Variants in SPOPL observed in about 807,000 individuals in gnomAD.
SPOPL encodes the protein speckle type BTB/POZ protein like, also known as speckle-type POZ protein-like.
SPOPL carries 23 observed loss-of-function variants against 53.8 expected under a neutral mutation model. That is an observed-to-expected ratio of 0.43 (90% CI 0.31 to 0.61). SPOPL has a LOEUF of 0.61. Among genes scored for constraint, SPOPL ranks in the 20% least tolerant of loss-of-function variants. SPOPL has a pLI of 0.12. For synonymous variants in SPOPL, 164 were observed against 149.7 expected, an observed-to-expected ratio of 1.10 and a Z score of -0.70; for missense variants, 442 against 466.9, an observed-to-expected ratio of 0.95 and a Z score of 0.49.
At chr2:138,545,922 G>C (rs933396255) in intron 1 of SPOPL, among the ~76,000 whole-genome samples, 1 of 152,108 alleles carries the variant, frequency 6.6e-6, no homozygotes, top group African/African-American at 2.4e-5. Context: ...GTGATTCATA[G>C]ATATTTTTAA....
chr2:138,546,280 TA>T (rs918050449), intron 1 of SPOPL, among the ~76,000 whole-genome samples: 6 of 152,304 alleles, frequency 3.9e-5, no homozygotes, highest in African/African-American at 9.6e-5. Flanking sequence ...TATGATGGAA[TA>T]GGGGAGAATC....
Position 138,559,037 on chromosome 2 carries a change from G to A in SPOPL, c.496G>A (p.Asp166Asn). ...TTTTTATTAGGTGAGTGTGGTCCAAGATTCAGTAAACATATCAGGACATAC... is the reference window on the plus strand; with the variant it reads ...TTTTTATTAGGTGAGTGTGGTCCAAAATTCAGTAAACATATCAGGACATAC... ...TLFCEVSVVQ[D>N]SVNISGHTNT... Residue 166 changes from aspartate (D) to asparagine (N), a missense_variant, in exon 6 of 11, where the codon GAT (aspartate) becomes AAT (asparagine). Physicochemically the swap from Asp to Asn is conservative, Grantham distance 23. Coordinates refer to ENST00000280098, the MANE Select transcript of SPOPL (RefSeq NM_001001664.3). The A allele has an allele frequency of 6.2e-7, 1 of 1,600,150 alleles. No homozygotes were observed. Among genetic ancestry groups the A allele is most frequent in the Middle Eastern group, 2.0e-4 (1 of 4,900 alleles).
chr2:138,546,657 G>A (rs1277511748), intron 1 of SPOPL, among the ~76,000 whole-genome samples: 1 of 152,152 alleles, frequency 6.6e-6, no homozygotes, highest in Admixed American at 6.5e-5. Context: ...AATATGGAAG[G>A]GCAGCATGAT....
chr2:138,525,468 T>C (rs1175197295), intron 1 of SPOPL, among the ~76,000 whole-genome samples: 1 of 152,056 alleles, frequency 6.6e-6, no homozygotes, highest in African/African-American at 2.4e-5. Context: ...TTCCAGATAA[T>C]TGACATACTG....
intron 1 of SPOPL, among the ~76,000 whole-genome samples, chr2:138,538,487 G>C (rs1215440848): frequency 6.6e-6 from 1 of 152,098 alleles, no homozygotes; most frequent in Non-Finnish European, 1.5e-5. Flanking sequence ...TTGACTTAAA[G>C]TCTGTTTTGT....
intron 10 of SPOPL, among the ~76,000 whole-genome samples, chr2:138,565,813 G>A (rs1019295476): frequency 4.7e-5 from 7 of 149,360 alleles, no homozygotes; most frequent in Non-Finnish European, 8.9e-5. Context: ...GGCTCACTGC[G>A]AGCTCCACCT....
intron 5 of SPOPL, among the ~76,000 whole-genome samples, chr2:138,557,867 A>C (rs1052520611): frequency 1.3e-5 from 2 of 152,182 alleles, no homozygotes; most frequent in Admixed American, 6.5e-5. Context: ...TTTTTAAAAA[A>C]GTGGTCTGCA....
rs995584373 is a variant in SPOPL, at chr2:138,571,514, A to T, written c.*2434A>T. 4 of 152,536 alleles carry T rather than the reference A, an allele frequency of 2.6e-5. No homozygotes were observed. The highest frequency in any genetic ancestry group is 9.7e-5 in the African/African-American group (4 of 41,434). 9.4% of individuals were successfully genotyped at this position (152,536 alleles called of 1,614,324 possible). On this transcript the variant is annotated 3_prime_UTR_variant, in exon 11 of 11. Coordinates refer to ENST00000280098, the MANE Select transcript of SPOPL (RefSeq NM_001001664.3). ...TAATATAATGCCTACCATTATACTA[A>T]CAGAATCATATGGTAGTTGATTTAT...
Position 138,550,814 on chromosome 2 carries a change from T to TCC in SPOPL, c.201-88_201-87insCC, listed in dbSNP as rs563217519. ...TGACATTAACACATGATTTCAGTGT[T>TCC]CTCTCTCTCTCTTTCTCTCTCTCTC... On this transcript the variant is annotated intron_variant, in intron 3 of 10. Coordinates refer to ENST00000280098, the MANE Select transcript of SPOPL (RefSeq NM_001001664.3). 4,672 of 1,414,018 alleles carry TCC rather than the reference T, an allele frequency of 3.3e-3. 15 individuals carry two copies. Among genetic ancestry groups the TCC allele is most frequent in the Non-Finnish European group, 3.8e-3 (4,005 of 1,060,216 alleles). The allele number at this position is 1,414,018 out of a possible 1,614,324, so 87.6% of individuals were successfully genotyped here.
chr2:138,563,770 G>GT lies in SPOPL; in HGVS notation c.838-933dup, dbSNP rs771138524. 6.6e-4 allele frequency among the ~76,000 whole-genome samples: 101 copies of GT among 152,302 alleles called. 1 individual carries two copies. The highest frequency in any genetic ancestry group is 2.9e-4 in the Non-Finnish European group (20 of 68,028). Reference sequence around the variant, plus strand: ...TGTGATCCAGTGAGTCCAATTTTAGGTTTTTACCTAAGTGGAAAGAAAGCA... The same window carrying GT: ...TGTGATCCAGTGAGTCCAATTTTAGGTTTTTTACCTAAGTGGAAAGAAAGCA... On this transcript the variant is annotated intron_variant, in intron 8 of 10. Transcript: ENST00000280098.
At chr2:138,517,224 G>A (rs550524481) in intron 1 of SPOPL, among the ~76,000 whole-genome samples, 41 of 152,258 alleles carry the variant, frequency 2.7e-4, no homozygotes, top group African/African-American at 9.6e-4. Flanking sequence ...TATAGAGGGT[G>A]GTTGGGATGT....
At chr2:138,530,644 T>G (rs1468787867) in intron 1 of SPOPL, among the ~76,000 whole-genome samples, 1 of 152,210 alleles carries the variant, frequency 6.6e-6, no homozygotes, top group Non-Finnish European at 1.5e-5. Context: ...TGCTTTCCAA[T>G]TGTTGCTAAC....
intron 1 of SPOPL, among the ~76,000 whole-genome samples, chr2:138,530,004 G>A (rs796882176): frequency 2.9e-4 from 44 of 152,190 alleles, no homozygotes; most frequent in African/African-American, 9.9e-4. Flanking sequence ...CCCTGTGTAT[G>A]TTGTTTCCTG....
At chr2:138,508,799 C>T (rs1224163223) in intron 1 of SPOPL, among the ~76,000 whole-genome samples, 1 of 152,152 alleles carries the variant, frequency 6.6e-6, no homozygotes, top group African/African-American at 2.4e-5. Context: ...CTAGTTCATA[C>T]TGGCTTTAAA....
chr2:138,546,862 A>G (rs565929920), intron 1 of SPOPL, among the ~76,000 whole-genome samples: 1 of 152,396 alleles, frequency 6.6e-6, no homozygotes, highest in South Asian at 2.1e-4. Flanking sequence ...CTGTTCACTC[A>G]GATTCTCCAT....
Position 138,550,957 on chromosome 2 carries a change from C to A in SPOPL, c.255C>A (p.Ser85=), listed in dbSNP as rs532335965. ...GLDDESKDYL[S]LYLLLVSCPK... ...ATGATGAAAGTAAAGACTACTTGTC[C>A]TTATATTTGCTTTTAGTCAGCTGCC... Residue 85 remains serine, a synonymous_variant, in exon 4 of 11, where the codon TCC becomes TCA. Coordinates refer to ENST00000280098, the MANE Select transcript of SPOPL (RefSeq NM_001001664.3). 1 of 1,613,236 alleles carries A rather than the reference C, an allele frequency of 6.2e-7. No individual in the cohort carries two copies. The highest frequency in any genetic ancestry group is 2.2e-5 in the East Asian group (1 of 44,808).
intron 8 of SPOPL, chr2:138,564,458 C>T: frequency 2.4e-6 from 1 of 414,642 alleles, no homozygotes; most frequent in Non-Finnish European, 4.2e-6. Context: ...AATAAGGTAG[C>T]TTTTTAGAAT....
intron 1 of SPOPL, among the ~76,000 whole-genome samples, chr2:138,536,193 T>C (rs1359289233): frequency 6.6e-6 from 1 of 152,218 alleles, no homozygotes. Flanking sequence ...TTTCTGTTTT[T>C]TCATGCCTCG....
chr2:138,550,068 AT>A, intron 1 of SPOPL, 88 bp from the exon 2 acceptor site: 1 of 590,958 alleles, frequency 1.7e-6, no homozygotes, highest in Non-Finnish European at 3.0e-6. Flanking sequence ...TGGGATAGTA[AT>A]TGTTTCATGT....
Sources: gnomAD v4.1 joint callset for allele counts (sites outside exome capture counted in the v4.1 genomes callset) on GRCh38, gnomAD v4.1.1 for gene constraint, MANE v1.5 for transcripts, NCBI Gene and HGNC (gene_info 2026-07-23, HGNC 2026-07-21) for gene names.